The following TMEM131L variants were observed in gnomAD, a reference collection of about 807,000 sequenced individuals.
TMEM131L encodes the protein transmembrane protein 131-like.
Under a neutral mutation model 192.2 loss-of-function variants are expected in TMEM131L, and 54 were observed. That is an observed-to-expected ratio of 0.28 (90% CI 0.23 to 0.35). The LOEUF is 0.35. TMEM131L is among the 10% of genes least tolerant of loss of function. TMEM131L has a pLI of 1.00. For missense variants in TMEM131L, 1,888 were observed against 1,972.9 expected, an observed-to-expected ratio of 0.96 and a Z score of 0.82; for synonymous variants, 701 against 704.9, an observed-to-expected ratio of 0.99 and a Z score of 0.09.
chr4:153,469,988 G>T (rs1385776898), intron 2 of TMEM131L, among the ~76,000 whole-genome samples: 1 of 150,286 alleles, frequency 6.7e-6, no homozygotes, highest in East Asian at 1.9e-4. Context: ...AACACTGTTT[G>T]TATAGTTATT....
chr4:153,529,978 A>T (rs552456869), intron 3 of TMEM131L, among the ~76,000 whole-genome samples: 1 of 151,074 alleles, frequency 6.6e-6, no homozygotes, highest in Non-Finnish European at 1.5e-5. Flanking sequence ...TATAGTTCAT[A>T]TTTGTGTCAA....
rs1407389991 is a variant in TMEM131L, at chr4:153,601,261, A to G, written c.2267-891A>G. Among the ~76,000 whole-genome samples the G allele has an allele frequency of 2.0e-5, 3 of 152,122 alleles. No individual in the cohort carries two copies. In the East Asian group the frequency reaches 5.8e-4, roughly 30 times the overall value. ...AAACTATAGAACCAGACCTGTCGCC[A>G]TAGCTCATGCCTGTAATCCCAGCAC... On this transcript the variant is annotated intron_variant, in intron 21 of 34. Coordinates refer to ENST00000409959, the MANE Select transcript of TMEM131L (RefSeq NM_001131007.2).
chr4:153,542,607 A>G (rs887991585), intron 3 of TMEM131L, among the ~76,000 whole-genome samples: 1 of 152,240 alleles, frequency 6.6e-6, no homozygotes, highest in Non-Finnish European at 1.5e-5. Flanking sequence ...TATATAATAA[A>G]GTGCTTGGCA....
At chr4:153,477,965 A>C (rs1731668762) in intron 3 of TMEM131L, among the ~76,000 whole-genome samples, 1 of 152,134 alleles carries the variant, frequency 6.6e-6, no homozygotes, top group Non-Finnish European at 1.5e-5. Context: ...TTAGCCATCA[A>C]CCTCCAATCT....
At chr4:153,573,476 G>A (rs892631253) in intron 7 of TMEM131L, among the ~76,000 whole-genome samples, 5 of 152,208 alleles carry the variant, frequency 3.3e-5, no homozygotes, top group African/African-American at 7.2e-5. Flanking sequence ...GCCAACATAC[G>A]CTGCCTGACC....
At chr4:153,585,683 A>G in intron 13 of TMEM131L, 72 bp downstream of exon 13, 1 of 1,006,608 alleles carries the variant, frequency 9.9e-7, no homozygotes, top group Non-Finnish European at 1.4e-6. Flanking sequence ...CTGTGAAATT[A>G]TTTCTATAAA....
At chr4:153,488,034 T>C (rs2149851944) in intron 3 of TMEM131L, among the ~76,000 whole-genome samples, 1 of 148,564 alleles carries the variant, frequency 6.7e-6, no homozygotes, top group African/African-American at 2.5e-5. Context: ...AGCCTATGAC[T>C]GAGGGGTGTG....
At chr4:153,589,525 A>G (rs763187887) in intron 16 of TMEM131L, among the ~76,000 whole-genome samples, 78 of 152,264 alleles carry the variant, frequency 5.1e-4, no homozygotes, top group African/African-American at 1.6e-3. Context: ...TTGAACTTTC[A>G]TCATGCTACT....
intron 29 of TMEM131L, 35 bp downstream of exon 29, chr4:153,623,118 G>C: frequency 6.6e-7 from 1 of 1,524,218 alleles, no homozygotes; most frequent in Non-Finnish European, 8.8e-7. Context: ...CACTCTCGGT[G>C]GCCCTTCCCT....
chr4:153,476,473 G>A (rs961140201), intron 3 of TMEM131L, among the ~76,000 whole-genome samples: 3 of 152,136 alleles, frequency 2.0e-5, no homozygotes, highest in Middle Eastern at 6.8e-3. Context: ...TGAGGCAGGC[G>A]GATCACGAGG....
intron 31 of TMEM131L, among the ~76,000 whole-genome samples, chr4:153,629,151 G>A (rs945081188): frequency 6.6e-6 from 1 of 152,166 alleles, no homozygotes; most frequent in African/African-American, 2.4e-5. Flanking sequence ...CTGCCCCTGT[G>A]GATTCCCCAC....
At chr4:153,615,339 A>G (rs74553453) in intron 26 of TMEM131L, among the ~76,000 whole-genome samples, 2,290 of 152,308 alleles carry the variant, frequency 0.015, 57 homozygotes, top group African/African-American at 0.052. Flanking sequence ...AGAGATGTGT[A>G]GTAGACAGTG....
intron 3 of TMEM131L, among the ~76,000 whole-genome samples, chr4:153,508,233 A>C (rs1734115075): frequency 6.6e-6 from 1 of 152,162 alleles, no homozygotes; most frequent in Non-Finnish European, 1.5e-5. Flanking sequence ...AGGCAGATAG[A>C]CTTTTTAATT....
At chr4:153,609,932 T>C (rs17030237) in intron 25 of TMEM131L, among the ~76,000 whole-genome samples, 3,284 of 152,344 alleles carry the variant, frequency 0.022, 91 homozygotes, top group African/African-American at 0.058. Context: ...CTTTTGGCTG[T>C]CTGCTTTACT....
intron 7 of TMEM131L, among the ~76,000 whole-genome samples, chr4:153,576,423 T>C (rs756106063): frequency 1.3e-5 from 2 of 152,116 alleles, no homozygotes; most frequent in African/African-American, 4.8e-5. Context: ...TTAAAATGCC[T>C]CTCGCTAATA....
intron 3 of TMEM131L, among the ~76,000 whole-genome samples, chr4:153,538,305 A>T (rs1172656286): frequency 6.6e-6 from 1 of 152,076 alleles, no homozygotes; most frequent in East Asian, 1.9e-4. Context: ...GAAGCATCTC[A>T]TGGAGGTCCT....
intron 31 of TMEM131L, among the ~76,000 whole-genome samples, chr4:153,630,499 A>T (rs563775684): frequency 3.3e-5 from 5 of 152,360 alleles, no homozygotes; most frequent in African/African-American, 1.2e-4. Flanking sequence ...TAGTGATTGC[A>T]TAGACTGCAC....
At chr4:153,527,148 G>A (rs1443970640) in intron 3 of TMEM131L, among the ~76,000 whole-genome samples, 1 of 152,144 alleles carries the variant, frequency 6.6e-6, no homozygotes, top group Non-Finnish European at 1.5e-5. Context: ...TGATGTTTTA[G>A]GATTTGGGGT....
chr4:153,630,023 T>A (rs1734107966), intron 31 of TMEM131L, among the ~76,000 whole-genome samples: 1 of 152,198 alleles, frequency 6.6e-6, no homozygotes, highest in South Asian at 2.1e-4. Context: ...GAGACACTCT[T>A]CCTTCTGAGA....
Sources: allele counts gnomAD v4.1 joint callset (sites outside exome capture counted in the v4.1 genomes callset), GRCh38; gene constraint gnomAD v4.1.1; transcripts MANE v1.5; gene names NCBI Gene and HGNC (gene_info 2026-07-23, HGNC 2026-07-21).